OSBPL10: variants seen among roughly 807,000 people sequenced by gnomAD.
The protein encoded by OSBPL10 is oxysterol-binding protein-related protein 10.
OSBPL10 carries 49 observed loss-of-function variants against 81.7 expected under a neutral mutation model. The observed-to-expected ratio is 0.60, with a 90% CI of 0.48 to 0.76. The LOEUF (loss-of-function observed/expected upper bound fraction) is 0.76. Ranked by LOEUF, OSBPL10 falls within the 30% of genes least tolerant of loss-of-function variation. The probability of loss-of-function intolerance (pLI) is 0.00; values close to 1 mark genes in which losing one functional copy is unlikely to be tolerated. For missense variants in OSBPL10, 923 were observed against 987.8 expected, an observed-to-expected ratio of 0.93 and a Z score of 0.88; for synonymous variants, 419 against 383.6, an observed-to-expected ratio of 1.09 and a Z score of -1.08.
At chr3:31,963,151 G>A (rs546776997) in intron 1 of OSBPL10, among the ~76,000 whole-genome samples, 13 of 151,870 alleles carry the variant, frequency 8.6e-5, no homozygotes, top group East Asian at 3.9e-4. Flanking sequence ...TGATGTTTGC[G>A]TACATCTGCT....
chr3:31,775,262 G>C (rs765457682), intron 4 of OSBPL10, among the ~76,000 whole-genome samples: 14 of 152,074 alleles, frequency 9.2e-5, no homozygotes, highest in Non-Finnish European at 2.9e-5. Context: ...AAGTGAGAAT[G>C]GGCAACAGAT....
chr3:31,882,409 C>A (rs1695607828), intron 1 of OSBPL10, among the ~76,000 whole-genome samples: 2 of 152,214 alleles, frequency 1.3e-5, no homozygotes, highest in Non-Finnish European at 2.9e-5. Context: ...GCAGTAACAA[C>A]ATTGCCTGGG....
intron 3 of OSBPL10, among the ~76,000 whole-genome samples, chr3:31,869,938 T>C (rs1379690709): frequency 6.6e-6 from 1 of 152,256 alleles, no homozygotes; most frequent in African/African-American, 2.4e-5. Context: ...TGAATTCCTA[T>C]TGAGAGGTGA....
intron 3 of OSBPL10, among the ~76,000 whole-genome samples, chr3:31,849,309 C>G (rs911740876): frequency 4.7e-5 from 6 of 127,764 alleles, no homozygotes; most frequent in African/African-American, 1.3e-4. Context: ...TGTTACAAAG[C>G]AATATAGACA....
At chr3:31,704,629 T>C (rs946106069) in intron 6 of OSBPL10, 7 of 152,332 alleles carry the variant, frequency 4.6e-5, no homozygotes, top group South Asian at 2.1e-4. Flanking sequence ...AAGAATGGAC[T>C]GCATACTAAA....
intron 2 of OSBPL10, among the ~76,000 whole-genome samples, chr3:32,012,488 A>G (rs546769936): frequency 6.6e-6 from 1 of 152,380 alleles, no homozygotes; most frequent in African/African-American, 2.4e-5. Context: ...CTGCAAAAAC[A>G]TGCCAAATTG....
At chr3:31,764,047 C>T (rs1310219339) in intron 4 of OSBPL10, among the ~76,000 whole-genome samples, 3 of 152,184 alleles carry the variant, frequency 2.0e-5, no homozygotes, top group Admixed American at 6.5e-5. Context: ...CCTCAAGGCA[C>T]ACAAATATGA....
intron 2 of OSBPL10, among the ~76,000 whole-genome samples, chr3:32,023,530 C>A (rs537718029): frequency 6.6e-6 from 1 of 152,282 alleles, no homozygotes; most frequent in Admixed American, 6.5e-5. Context: ...CAGAATGTCC[C>A]TTGAAGGAAC....
rs143634190 is a variant in OSBPL10, at chr3:31,829,408, A to C, written c.729+632T>G. Among the ~76,000 whole-genome samples the C allele has an allele frequency of 8.0e-3, 1,223 of 152,342 alleles. 9 individuals are homozygous for C. Among genetic ancestry groups the C allele is most frequent in the Admixed American group, 0.013 (194 of 15,308 alleles). ...TTAAACATAACCTCGCCTCACTTTT[A>C]TAAGGCACAATTAAAGAGTTTTCAT... is the stretch of plus-strand genomic sequence containing the variant. On this transcript the variant is annotated intron_variant, in intron 4 of 11. Transcript: ENST00000396556.
intron 1 of OSBPL10, among the ~76,000 whole-genome samples, chr3:31,886,499 G>A (rs1559505444): frequency 6.6e-6 from 1 of 152,212 alleles, no homozygotes; most frequent in Non-Finnish European, 1.5e-5. Flanking sequence ...GGACCTCCCT[G>A]CTGAGATCTG....
chr3:31,788,926 A>C (rs1698932459), intron 4 of OSBPL10, among the ~76,000 whole-genome samples: 1 of 152,092 alleles, frequency 6.6e-6, no homozygotes, highest in African/African-American at 2.4e-5. Context: ...AAAATCATGA[A>C]CATTTTAGTA....
At position 31,965,997 on chromosome 3, in the gene OSBPL10, A is replaced by AATAT. The variant is rs368838696; in HGVS notation, c.281+14898_281+14901dup. ...AGATAATATATATTATATAAAATAT[A>AATAT]ATATATATATATATAGGCCAGGCTC... On this transcript the variant is annotated intron_variant, in intron 1 of 11. Coordinates refer to ENST00000396556, the MANE Select transcript of OSBPL10 (RefSeq NM_017784.5). 2.8e-3 allele frequency among the ~76,000 whole-genome samples: 353 copies of AATAT among 126,240 alleles called. 4 individuals carry two copies. The highest frequency in any genetic ancestry group is 0.015 in the Middle Eastern group (4 of 264). The allele number at this position is 126,240 out of a possible 152,430, so 82.8% of individuals were successfully genotyped here. A position where few individuals can be genotyped will look rare whatever the true frequency, so the allele number is the denominator to read the frequency against.
At chr3:31,815,575 C>T (rs1358984625) in intron 4 of OSBPL10, among the ~76,000 whole-genome samples, 1 of 152,088 alleles carries the variant, frequency 6.6e-6, no homozygotes, top group Non-Finnish European at 1.5e-5. Context: ...CTTTAGAATG[C>T]CCAAGCATCT....
chr3:31,945,144 C>A (rs569390080), intron 1 of OSBPL10, among the ~76,000 whole-genome samples: 64 of 113,784 alleles, frequency 5.6e-4, no homozygotes, highest in Non-Finnish European at 8.8e-4. Context: ...AGCAAGACTC[C>A]GTCTCAAAAA....
chr3:31,730,352 A>G (rs897120077), intron 6 of OSBPL10, among the ~76,000 whole-genome samples: 1 of 150,270 alleles, frequency 6.7e-6, no homozygotes, highest in Admixed American at 6.6e-5. Flanking sequence ...CTCCAAAAAA[A>G]GGGGGAAAAA....
intron 1 of OSBPL10, among the ~76,000 whole-genome samples, chr3:31,901,872 T>C (rs1046445899): frequency 3.6e-4 from 54 of 152,034 alleles, no homozygotes; most frequent in African/African-American, 1.2e-4. Context: ...ACCCCATCTC[T>C]AGTAAAAATC....
At chr3:31,789,882 G>T (rs915051852) in intron 4 of OSBPL10, among the ~76,000 whole-genome samples, 61 of 152,050 alleles carry the variant, frequency 4.0e-4, no homozygotes, top group Non-Finnish European at 8.1e-4. Flanking sequence ...GTATACATTT[G>T]CAACTCTTTT....
chr3:32,013,224 C>T (rs750819942), intron 2 of OSBPL10, among the ~76,000 whole-genome samples: 2 of 152,132 alleles, frequency 1.3e-5, no homozygotes, highest in Non-Finnish European at 2.9e-5. Context: ...TGTAAAAGAA[C>T]AGAAATTATA....
intron 1 of OSBPL10, among the ~76,000 whole-genome samples, chr3:32,055,872 G>T (rs1402111632): frequency 2.0e-5 from 3 of 152,158 alleles, no homozygotes; most frequent in Admixed American, 2.0e-4. Context: ...GAGCTCAAGA[G>T]GAAAGGAATT....
Sources: gnomAD v4.1 joint callset for allele counts (sites outside exome capture counted in the v4.1 genomes callset) on GRCh38, gnomAD v4.1.1 for gene constraint, MANE v1.5 for transcripts, NCBI Gene and HGNC (gene_info 2026-07-23, HGNC 2026-07-21) for gene names.